The following SLC35F1 variants were observed in gnomAD, a reference collection of about 807,000 sequenced individuals.
The protein encoded by SLC35F1 is chromosome 6 open reading frame 169.
SLC35F1 carries 14 observed loss-of-function variants against 48.7 expected under a neutral mutation model. That is an observed-to-expected ratio of 0.29 (90% confidence interval 0.19 to 0.45). The LOEUF (loss-of-function observed/expected upper bound fraction) is 0.45, where lower values mean the gene tolerates loss of function less well. Ranked by LOEUF, SLC35F1 falls within the 20% of genes least tolerant of loss-of-function variation. SLC35F1 has a pLI of 1.00. For synonymous variants in SLC35F1, 190 were observed against 202.2 expected (o/e 0.94, Z 0.51); for missense variants, 404 against 500.0 (o/e 0.81, Z 1.83).
At chr6:117,963,223 GA>G (rs1195507895) in intron 1 of SLC35F1, among the ~76,000 whole-genome samples, 1 of 152,078 alleles carries the variant, frequency 6.6e-6, no homozygotes, top group African/African-American at 2.4e-5. Context: ...GACCATACTA[GA>G]ATTTACCACA....
chr6:118,022,461 G>A (rs1777407762), intron 1 of SLC35F1, among the ~76,000 whole-genome samples: 1 of 152,154 alleles, frequency 6.6e-6, no homozygotes, highest in South Asian at 2.1e-4. Context: ...TGATGACATT[G>A]ACCAACACAA....
intron 1 of SLC35F1, among the ~76,000 whole-genome samples, chr6:118,060,663 C>T (rs189735274): frequency 6.3e-4 from 96 of 152,126 alleles, no homozygotes; most frequent in Admixed American, 1.5e-3. Context: ...AATGAATGAA[C>T]GAATCATTAA....
intron 1 of SLC35F1, among the ~76,000 whole-genome samples, chr6:118,118,811 A>G (rs1007315297): frequency 1.3e-5 from 2 of 152,210 alleles, no homozygotes; most frequent in Non-Finnish European, 2.9e-5. Flanking sequence ...ACAGCTGAAT[A>G]GCACACTGCT....
At chr6:118,003,943 G>A (rs1777140662) in intron 1 of SLC35F1, among the ~76,000 whole-genome samples, 1 of 152,052 alleles carries the variant, frequency 6.6e-6, no homozygotes, top group Admixed American at 6.5e-5. Flanking sequence ...CATGAAGTAG[G>A]GATAGTGATA....
At chr6:118,111,277 T>G (rs1773395689) in intron 1 of SLC35F1, among the ~76,000 whole-genome samples, 1 of 152,126 alleles carries the variant, frequency 6.6e-6, no homozygotes, top group African/African-American at 2.4e-5. Context: ...ACAAAAAATC[T>G]ACACCCCTGT....
intron 2 of SLC35F1, among the ~76,000 whole-genome samples, chr6:118,173,677 T>C (rs1182452270): frequency 6.6e-6 from 1 of 152,018 alleles, no homozygotes; most frequent in African/African-American, 2.4e-5. Flanking sequence ...CTGAGAGAAA[T>C]GAGTTTAAGA....
chr6:118,119,134 G>T (rs1773516802), intron 1 of SLC35F1, among the ~76,000 whole-genome samples: 1 of 151,990 alleles, frequency 6.6e-6, no homozygotes. Context: ...TTGCTCAGTG[G>T]TCATTCCTTC....
At chr6:118,107,885 A>G (rs2114377077) in intron 1 of SLC35F1, among the ~76,000 whole-genome samples, 1 of 152,166 alleles carries the variant, frequency 6.6e-6, no homozygotes, top group Non-Finnish European at 1.5e-5. Context: ...ATTCCCTTAA[A>G]TTAGAAGGAA....
chr6:117,934,641 T>C (rs1776142178), intron 1 of SLC35F1, among the ~76,000 whole-genome samples: 1 of 152,204 alleles, frequency 6.6e-6, no homozygotes, highest in Admixed American at 6.5e-5. Context: ...GGTTAAGATA[T>C]AAATATCAAA....
rs147725495 is a variant in SLC35F1, at chr6:118,250,904, G to T, written c.477+15268G>T. ...GGCTTGAACCCAGGAAGCAGAGGTT[G>T]CAGTGAGCCGAGATCGTGCCACTAC... On this transcript the variant is annotated intron_variant, in intron 3 of 7. Coordinates refer to ENST00000360388, the MANE Select transcript of SLC35F1 (RefSeq NM_001029858.4). 2.7e-3 allele frequency among the ~76,000 whole-genome samples: 410 copies of T among 152,094 alleles called. 9 individuals are homozygous for T. The highest frequency in any genetic ancestry group is 1.7e-3 in the Non-Finnish European group (118 of 67,994).
chr6:117,987,091 A>G (rs1365161467), intron 1 of SLC35F1, among the ~76,000 whole-genome samples: 4 of 152,164 alleles, frequency 2.6e-5, no homozygotes, highest in Admixed American at 6.5e-5. Flanking sequence ...CCTCACACCT[A>G]ACTGCTTTCT....
chr6:118,026,752 A>G (rs889813499), intron 1 of SLC35F1, among the ~76,000 whole-genome samples: 2 of 152,210 alleles, frequency 1.3e-5, no homozygotes, highest in African/African-American at 4.8e-5. Flanking sequence ...TGAAAAAACT[A>G]AAAGATTTTT....
At chr6:117,963,344 ATTG>A (rs932438861) in intron 1 of SLC35F1, among the ~76,000 whole-genome samples, 1 of 135,718 alleles carries the variant, frequency 7.4e-6, no homozygotes, top group African/African-American at 2.6e-5. Context: ...ATTTTATTTT[ATTG>A]TTTTTTTTTT....
chr6:118,096,308 G>A (rs763033719), intron 1 of SLC35F1, among the ~76,000 whole-genome samples: 1 of 152,180 alleles, frequency 6.6e-6, no homozygotes, highest in Non-Finnish European at 1.5e-5. Context: ...TTACCTGATA[G>A]CTGAATTCCC....
intron 2 of SLC35F1, among the ~76,000 whole-genome samples, chr6:118,174,673 A>G (rs1488088083): frequency 6.6e-6 from 1 of 152,106 alleles, no homozygotes; most frequent in African/African-American, 2.4e-5. Context: ...TATTTGTTGA[A>G]ACACATCAAA....
intron 2 of SLC35F1, among the ~76,000 whole-genome samples, chr6:118,224,040 G>A (rs181033195): frequency 6.6e-6 from 1 of 152,188 alleles, no homozygotes; most frequent in Admixed American, 6.5e-5. Context: ...AGGCAAATAG[G>A]GTCACTTTTC....
At chr6:117,924,466 A>ATATACATATGTATATACG (rs1775995500) in intron 1 of SLC35F1, among the ~76,000 whole-genome samples, 1 of 18,156 alleles carries the variant, frequency 5.5e-5, no homozygotes, top group East Asian at 1.5e-3. Flanking sequence ...ATGTGTGTAC[A>ATATACATATGTATATACG]TATATACATA....
chr6:118,249,861 G>A (rs769189439), intron 3 of SLC35F1, among the ~76,000 whole-genome samples: 65 of 151,876 alleles, frequency 4.3e-4, no homozygotes, highest in Non-Finnish European at 8.2e-4. Context: ...TTAAGTAGGG[G>A]GCTCTGTGAG....
At chr6:118,190,992 T>A (rs1333282543) in intron 2 of SLC35F1, among the ~76,000 whole-genome samples, 1 of 152,162 alleles carries the variant, frequency 6.6e-6, no homozygotes, top group African/African-American at 2.4e-5. Context: ...AACCATAGCC[T>A]TTACAGTAGA....
Sources: allele counts gnomAD v4.1 joint callset (sites outside exome capture counted in the v4.1 genomes callset), GRCh38; gene constraint gnomAD v4.1.1; transcripts MANE v1.5; gene names NCBI Gene and HGNC (gene_info 2026-07-23, HGNC 2026-07-21).